The following NFKB1 variants were observed in gnomAD, a reference collection of about 807,000 sequenced individuals.
NFKB1 encodes nuclear factor kappa B subunit 1.
A neutral mutation model predicts 105.1 loss-of-function variants in NFKB1; 9 were observed. That is an observed-to-expected ratio of 0.09 (90% CI 0.05 to 0.15). NFKB1 has a LOEUF of 0.15. Ranked by LOEUF, NFKB1 falls within the 10% of genes least tolerant of loss-of-function variation. NFKB1 has a pLI of 1.00. For synonymous variants in NFKB1, 440 were observed against 442.2 expected (o/e 1.00, Z 0.06); for missense variants, 830 against 1,203.7 (o/e 0.69, Z 4.59).
At chr4:102,505,883 T>C (rs1739390426) in intron 1 of NFKB1, among the ~76,000 whole-genome samples, 1 of 152,176 alleles carries the variant, frequency 6.6e-6, no homozygotes, top group South Asian at 2.1e-4. Context: ...CAAAATTTTT[T>C]TTTAAATGGA....
chr4:102,578,669 A>G, intron 7 of NFKB1: 1 of 521,966 alleles, frequency 1.9e-6, no homozygotes, highest in Non-Finnish European at 3.4e-6. Flanking sequence ...TTTTACTGTA[A>G]TCCGGAGAAA....
intron 11 of NFKB1, 70 bp from the exon 12 acceptor site, chr4:102,593,354 TG>T: frequency 7.5e-7 from 1 of 1,324,904 alleles, no homozygotes; most frequent in Non-Finnish European, 1.1e-6. Context: ...TTAGAATCAG[TG>T]GTCTTTCTGT....
chr4:102,517,372 A>G (rs1740260955), intron 1 of NFKB1, among the ~76,000 whole-genome samples: 1 of 152,236 alleles, frequency 6.6e-6, no homozygotes, highest in African/African-American at 2.4e-5. Flanking sequence ...GGAGGTTCAG[A>G]TAACTGTTAA....
At chr4:102,574,109 G>A (rs968301987) in intron 6 of NFKB1, among the ~76,000 whole-genome samples, 46 of 109,372 alleles carry the variant, frequency 4.2e-4, no homozygotes, top group African/African-American at 1.4e-3. Context: ...ATTTTGTATC[G>A]TTAAGTCTTG....
intron 4 of NFKB1, 21 bp from the exon 5 acceptor site, chr4:102,537,828 ACTTAATTGG>A: frequency 7.3e-7 from 1 of 1,374,182 alleles, no homozygotes; most frequent in Middle Eastern, 1.8e-4. Context: ...TATTTCTCAA[ACTTAATTGG>A]CTTAACGTTC....
At chr4:102,509,928 T>C (rs573912300) in intron 1 of NFKB1, among the ~76,000 whole-genome samples, 1 of 152,296 alleles carries the variant, frequency 6.6e-6, no homozygotes, top group East Asian at 1.9e-4. Context: ...GAATCCCAGT[T>C]GTCTTCACAA....
At position 102,599,980 on chromosome 4, in the gene NFKB1, T is replaced by C. The variant is rs889233222; in HGVS notation, c.1638-915T>C. On this transcript the variant is annotated intron_variant, in intron 15 of 23. Transcript: ENST00000226574. ...TGTTCAGCCTCATTAGCGTAAGCTCTTAAGTTCCTTCTATCATTCTTATTT... is the reference window on the plus strand; with the variant it reads ...TGTTCAGCCTCATTAGCGTAAGCTCCTAAGTTCCTTCTATCATTCTTATTT... Among the ~76,000 whole-genome samples the C allele has an allele frequency of 2.6e-5, 4 of 152,248 alleles. No individual in the cohort carries two copies. In the South Asian group the frequency reaches 8.3e-4, roughly 32 times the overall value.
At chr4:102,595,069 G>A in intron 13 of NFKB1, 88 bp downstream of exon 13, 4 of 766,780 alleles carry the variant, frequency 5.2e-6, no homozygotes, top group Non-Finnish European at 8.6e-6. Context: ...TATCACAACA[G>A]TATTATCATC....
intron 1 of NFKB1, among the ~76,000 whole-genome samples, chr4:102,509,678 G>A (rs768492509): frequency 6.6e-5 from 10 of 152,118 alleles, no homozygotes; most frequent in South Asian, 2.1e-4. Context: ...TTGTTAGCCT[G>A]TTAGGGTCCA....
rs554557558 is a variant in NFKB1 at position 102,601,731 on chromosome 4, G to A, written c.1752+722G>A. The stretch of plus-strand genomic sequence containing the variant: ...GAGCCTGGGAGCCACTTCGGCAGAA[G>A]CAGAGCTTGGACGTTGGTGATGGGA... On this transcript the variant is annotated intron_variant, in intron 16 of 23. Coordinates refer to ENST00000226574, the MANE Select transcript of NFKB1 (RefSeq NM_003998.4). Among the ~76,000 whole-genome samples, 3 of 152,366 alleles carry A rather than the reference G, an allele frequency of 2.0e-5. No individual in the cohort carries two copies. In the South Asian group the frequency reaches 6.2e-4, roughly 32 times the overall value.
intron 5 of NFKB1, among the ~76,000 whole-genome samples, chr4:102,540,570 A>T (rs941590829): frequency 6.6e-6 from 1 of 152,034 alleles, no homozygotes; most frequent in South Asian, 2.1e-4. Context: ...GTATCCATTT[A>T]TAAGCATTTA....
intron 5 of NFKB1, among the ~76,000 whole-genome samples, chr4:102,543,857 A>T (rs1272959988): frequency 6.6e-6 from 1 of 152,144 alleles, no homozygotes; most frequent in Non-Finnish European, 1.5e-5. Flanking sequence ...ATCACCAATA[A>T]TCAGCTATGT....
At chr4:102,558,031 C>CTT (rs575415233) in intron 5 of NFKB1, among the ~76,000 whole-genome samples, 8 of 130,866 alleles carry the variant, frequency 6.1e-5, no homozygotes, top group African/African-American at 1.4e-4. Flanking sequence ...GATATCTAGC[C>CTT]TTTTTTTTTT....
intron 2 of NFKB1, among the ~76,000 whole-genome samples, chr4:102,526,791 C>T (rs751196834): frequency 2.6e-5 from 4 of 152,050 alleles, no homozygotes; most frequent in Non-Finnish European, 5.9e-5. Context: ...ATAGCAGTGT[C>T]CTTTTTTCTT....
chr4:102,585,963 G>C (rs1015039828), intron 11 of NFKB1, among the ~76,000 whole-genome samples: 1 of 152,192 alleles, frequency 6.6e-6, no homozygotes, highest in African/African-American at 2.4e-5. Flanking sequence ...CCAGGGCCAG[G>C]CTAAAGAGGG....
intron 4 of NFKB1, among the ~76,000 whole-genome samples, chr4:102,535,978 T>C (rs1050268720): frequency 6.6e-6 from 1 of 151,842 alleles, no homozygotes; most frequent in African/African-American, 2.4e-5. Flanking sequence ...CTGACGGAGA[T>C]GAGTCATAGC....
intron 1 of NFKB1, among the ~76,000 whole-genome samples, chr4:102,507,949 G>A (rs1247139461): frequency 6.6e-6 from 1 of 152,114 alleles, no homozygotes; most frequent in African/African-American, 2.4e-5. Flanking sequence ...CTATTTATTG[G>A]TTCTAAGCCC....
intron 1 of NFKB1, among the ~76,000 whole-genome samples, chr4:102,507,085 T>C (rs1739468154): frequency 6.6e-6 from 1 of 150,752 alleles, no homozygotes; most frequent in Non-Finnish European, 1.5e-5. Context: ...ATATTTTTTG[T>C]TGTTGCCAGC....
At chr4:102,537,725 C>A in intron 4 of NFKB1, 133 bp from the exon 5 acceptor site, 1 of 480,466 alleles carries the variant, frequency 2.1e-6, no homozygotes, top group Non-Finnish European at 3.7e-6. Context: ...TTTACGGAGC[C>A]CTCTTTCACA....
Sources: allele counts gnomAD v4.1 joint callset (sites outside exome capture counted in the v4.1 genomes callset), GRCh38; gene constraint gnomAD v4.1.1; transcripts MANE v1.5; gene names NCBI Gene and HGNC (gene_info 2026-07-23, HGNC 2026-07-21).